C16orf95: variants seen among roughly 807,000 people sequenced by gnomAD.
C16orf95 encodes the protein uncharacterized protein C16orf95.
C16orf95 carries 41 observed loss-of-function variants against 32.1 expected under a neutral mutation model. The ratio of observed to expected loss-of-function variants is 1.28; its 90% confidence interval spans 1.00 to 1.66. The LOEUF is 1.66. Ranked by LOEUF, C16orf95 falls within the 40% of genes most tolerant of loss-of-function variation. C16orf95 has a pLI of 0.00. For synonymous variants in C16orf95, 147 were observed against 128.9 expected (o/e 1.14, Z -0.95); for missense variants, 399 against 325.9 (o/e 1.22, Z -1.73).
At chr16:87,314,584 T>C (rs1344775271) in intron 3 of C16orf95, among the ~76,000 whole-genome samples, 1 of 152,186 alleles carries the variant, frequency 6.6e-6, no homozygotes, top group African/African-American at 2.4e-5. Context: ...ATTATCTTGA[T>C]GGTGGTGGTG....
At chr16:87,315,972 AGAGT>A in intron 1 of C16orf95, 149 bp from the exon 2 acceptor site, 1 of 481,576 alleles carries the variant, frequency 2.1e-6, no homozygotes, top group Non-Finnish European at 3.6e-6. Context: ...GAGCCCAAGA[AGAGT>A]GAGAGGGTGA....
chr16:87,309,035 T>C (rs906829859), intron 5 of C16orf95, among the ~76,000 whole-genome samples: 2 of 152,198 alleles, frequency 1.3e-5, no homozygotes, highest in South Asian at 2.1e-4. Context: ...CATCGCCTCA[T>C]CCCTTCTTAA....
At chr16:87,308,632 G>T (rs986998663) in intron 5 of C16orf95, among the ~76,000 whole-genome samples, 1 of 152,124 alleles carries the variant, frequency 6.6e-6, no homozygotes, top group Non-Finnish European at 1.5e-5. Flanking sequence ...CTCTTACCAC[G>T]ATGGGACCAC....
chr16:87,306,478 T>A (rs1911036688), intron 5 of C16orf95, among the ~76,000 whole-genome samples: 1 of 152,192 alleles, frequency 6.6e-6, no homozygotes, highest in Admixed American at 6.5e-5. Context: ...GTTAATATGC[T>A]ACTAATATAA....
At chr16:87,310,474 G>C in intron 4 of C16orf95, 141 bp from the exon 5 acceptor site, 2 of 778,330 alleles carry the variant, frequency 2.6e-6, no homozygotes, top group Non-Finnish European at 4.1e-6. Context: ...TGAGGTCTGC[G>C]GGCTCTTTTC....
intron 4 of C16orf95, 100 bp from the exon 5 acceptor site, chr16:87,310,433 G>A (rs746393837): frequency 1.6e-6 from 2 of 1,223,446 alleles, no homozygotes; most frequent in Non-Finnish European, 2.3e-6. Flanking sequence ...GCACTGGCCA[G>A]CTCAAGATAA....
chr16:87,304,353 C>T (rs1910911660), intron 6 of C16orf95, among the ~76,000 whole-genome samples: 1 of 151,318 alleles, frequency 6.6e-6, no homozygotes, highest in Non-Finnish European at 1.5e-5. Context: ...TGTGCCCGGC[C>T]TCGCCCATCC....
intron 1 of C16orf95, 45 bp from the exon 2 acceptor site, chr16:87,315,868 G>C: frequency 1.4e-6 from 2 of 1,450,808 alleles, no homozygotes; most frequent in South Asian, 1.3e-5. Context: ...GTAAACTAGG[G>C]GGCAGGGATG....
At chr16:87,313,658 A>T (rs975414150) in intron 3 of C16orf95, among the ~76,000 whole-genome samples, 1 of 152,078 alleles carries the variant, frequency 6.6e-6, no homozygotes, top group African/African-American at 2.4e-5. Flanking sequence ...TGCTTGAGCT[A>T]GGGAGTTCAA....
At chr16:87,311,356 T>TG (rs1911278864) in intron 3 of C16orf95, 60 bp from the exon 4 acceptor site, 1 of 1,443,762 alleles carries the variant, frequency 6.9e-7, no homozygotes, top group Non-Finnish European at 9.2e-7. Context: ...CTGTCCCCAA[T>TG]GACTCCCTGA....
At chr16:87,310,673 A>G (rs1171016718) in intron 4 of C16orf95, among the ~76,000 whole-genome samples, 1 of 152,164 alleles carries the variant, frequency 6.6e-6, no homozygotes, top group Non-Finnish European at 1.5e-5. Flanking sequence ...AGCAGAGAGG[A>G]CAGGCCATCT....
chr16:87,308,597 G>A (rs753550206), intron 5 of C16orf95, among the ~76,000 whole-genome samples: 6 of 152,158 alleles, frequency 3.9e-5, no homozygotes, highest in East Asian at 1.9e-4. Context: ...AACTGTTGCC[G>A]TGACCTCTGC....
chr16:87,303,730 T>G (rs1199927963), intron 6 of C16orf95: 1 of 152,426 alleles, frequency 6.6e-6, no homozygotes, highest in African/African-American at 2.4e-5. Flanking sequence ...GATGGGGCCC[T>G]CCAAGTGCCA....
At position 87,317,356 on chromosome 16, in the gene C16orf95, C is replaced by T; in HGVS notation, c.-114G>A. The T allele has an allele frequency of 1.4e-6, 2 of 1,422,776 alleles. No individual in the cohort carries two copies. Among genetic ancestry groups the T allele is most frequent in the Non-Finnish European group, 1.8e-6 (2 of 1,090,518 alleles). The allele number at this position is 1,422,776 out of a possible 1,614,324, so 88.1% of individuals were successfully genotyped here. On this transcript the variant is annotated 5_prime_UTR_variant, in exon 1 of 7. Coordinates refer to ENST00000567970, the MANE Select transcript of C16orf95 (RefSeq NM_001195124.3). The stretch of plus-strand genomic sequence containing the variant: ...GAGGAACCCAACCCGAGCTCAACCC[C>T]AGCCCCAACCTCAACCGCTCAGAGG...
At position 87,317,174 on chromosome 16, in the gene C16orf95, G is replaced by A. The variant is rs760300912; in HGVS notation, c.69C>T (p.Ala23=). ...CCGGCCCCCCGGCAGCAGCGCCTGA[G>A]GCTGCTCCAGTGGCCTCATGATGAT... ...CHHHHEATGA[A]SGAAAGGPGA... The change falls in exon 1 of 7, where the codon GCC becomes GCT. Residue 23 remains alanine (A), a synonymous_variant. Transcript: ENST00000567970. 5.2e-6 allele frequency: 8 copies of A among 1,532,756 alleles called. No homozygotes were observed. The South Asian group carries it at 8.4e-5, about 16-fold the overall frequency. 94.9% of individuals were successfully genotyped at this position (1,532,756 alleles called of 1,614,324 possible).
Position 87,305,858 on chromosome 16 carries a change from C to T in C16orf95, c.562G>A (p.Gly188Ser), listed in dbSNP as rs780555091. Residue 188 changes from glycine to serine, a missense_variant, in exon 6 of 7, where the codon GGT (glycine) becomes AGT (serine). Coordinates refer to ENST00000567970, the MANE Select transcript of C16orf95 (RefSeq NM_001195124.3). This position sits in a 1 kb window ranked among gnomAD's most constrained non-coding sequence, Gnocchi z 4.2. ...AACTTGGACAACAGGCACTCATCAC[C>T]GCAGATCCGCCAGCAGTTGTGCCAG... ...CCWHNCWRIC[G>S]DECLLSKFQQ... is the part of the protein sequence containing the mutation. 6.2e-6 allele frequency: 9 copies of T among 1,456,138 alleles called. No individual in the cohort carries two copies. Among genetic ancestry groups the T allele is most frequent in the South Asian group, 1.4e-5 (1 of 72,772 alleles). The allele number at this position is 1,456,138 out of a possible 1,614,324, so 90.2% of individuals were successfully genotyped here. A position where few individuals can be genotyped will look rare whatever the true frequency, so the allele number is the denominator to read the frequency against.
In C16orf95 at chr16:87,315,806, G is replaced by C. The variant is rs1462755787; in HGVS notation, c.170C>G (p.Thr57Ser). ...AQDGRNSTFQ[T>S]YKKEVCLPRH... ...GGGGAGGCACACTTCTTTCTTGTAG[G>C]TTTGAAATGTGCTATTCCTAGAAGA... Residue 57 changes from threonine to serine, a missense_variant, in exon 2 of 7, where the codon ACC becomes AGC. By Grantham distance (58) the Thr-to-Ser change is moderately conservative. Coordinates refer to ENST00000567970, the MANE Select transcript of C16orf95 (RefSeq NM_001195124.3). The C allele has an allele frequency of 7.8e-6, 12 of 1,531,046 alleles. No homozygotes were observed. The highest frequency in any genetic ancestry group is 1.0e-5 in the Non-Finnish European group (12 of 1,144,494). The allele number at this position is 1,531,046 out of a possible 1,614,324, so 94.8% of individuals were successfully genotyped here.
intron 4 of C16orf95, among the ~76,000 whole-genome samples, chr16:87,310,838 G>C (rs149735583): frequency 6.6e-6 from 1 of 152,156 alleles, no homozygotes; most frequent in Admixed American, 6.5e-5. Context: ...TGCAGAGGGG[G>C]AGGAAGAGAG....
chr16:87,311,136 C>T lies in C16orf95; in HGVS notation c.477+14G>A, dbSNP rs752238043. 25 of 1,507,228 alleles carry T rather than the reference C, an allele frequency of 1.7e-5. No homozygotes were observed. Among genetic ancestry groups the T allele is most frequent in the East Asian group, 7.4e-5 (3 of 40,284 alleles). The allele number at this position is 1,507,228 out of a possible 1,614,324, so 93.4% of individuals were successfully genotyped here. ...ACTCTTCAGTTCTCACTGCAGTGTG[C>T]GCCTCCTCCTTACCTGCTGCTGAGA... On this transcript the variant is annotated intron_variant, in intron 4 of 6. Transcript: ENST00000567970.
Sources: allele counts gnomAD v4.1 joint callset (sites outside exome capture counted in the v4.1 genomes callset), GRCh38; gene constraint gnomAD v4.1.1; non-coding constraint Gnocchi (gnomAD v3.1); transcripts MANE v1.5; gene names NCBI Gene and HGNC (gene_info 2026-07-23, HGNC 2026-07-21).